AUTS2: variants seen among roughly 807,000 people sequenced by gnomAD.
AUTS2 encodes the protein autism susceptibility gene 2 protein.
In AUTS2, 17 loss-of-function variants were observed where a neutral mutation model predicts 112.4. The ratio of observed to expected loss-of-function variants is 0.15; its 90% CI spans 0.10 to 0.23. AUTS2 has a LOEUF of 0.23. AUTS2 is among the 10% of genes least tolerant of loss of function. The probability of loss-of-function intolerance (pLI) is 1.00; values close to 1 mark genes in which losing one functional copy is unlikely to be tolerated. For synonymous variants in AUTS2, 751 were observed against 702.7 expected (o/e 1.07, Z -1.09); for missense variants, 1,510 against 1,701.6 (o/e 0.89, Z 1.98).
At chr7:69,990,289 A>G (rs1005416489) in intron 2 of AUTS2, among the ~76,000 whole-genome samples, 2 of 152,162 alleles carry the variant, frequency 1.3e-5, no homozygotes, top group African/African-American at 4.8e-5. Flanking sequence ...TTTGCGGTCA[A>G]TTTGTTTTGT....
At chr7:70,613,498 A>C (rs1804202522) in intron 5 of AUTS2, among the ~76,000 whole-genome samples, 1 of 152,156 alleles carries the variant, frequency 6.6e-6, no homozygotes, top group African/African-American at 2.4e-5. Context: ...GAACTCATTA[A>C]GTCTCCCTCC....
At chr7:70,572,459 G>T in intron 5 of AUTS2, among the ~76,000 whole-genome samples, 1 of 146,362 alleles carries the variant, frequency 6.8e-6, no homozygotes, top group Admixed American at 6.8e-5. Flanking sequence ...GCAGGGATGG[G>T]GGGTGGGGGT....
At chr7:69,897,596 A>G (rs1002178457) in intron 1 of AUTS2, among the ~76,000 whole-genome samples, 1 of 151,824 alleles carries the variant, frequency 6.6e-6, no homozygotes, top group Non-Finnish European at 1.5e-5. Context: ...AAAAAAAAAA[A>G]AAAACAAAAA....
At chr7:70,051,010 CAATT>C (rs1358408579) in intron 2 of AUTS2, among the ~76,000 whole-genome samples, 1 of 152,134 alleles carries the variant, frequency 6.6e-6, no homozygotes, top group African/African-American at 2.4e-5. Context: ...ATCAATCAAT[CAATT>C]ATTATTCATA....
intron 2 of AUTS2, among the ~76,000 whole-genome samples, chr7:70,098,268 T>C (rs920020843): frequency 6.6e-6 from 1 of 152,232 alleles, no homozygotes; most frequent in African/African-American, 2.4e-5. Flanking sequence ...GGATTATCTA[T>C]AAAACTTTTA....
intron 4 of AUTS2, among the ~76,000 whole-genome samples, chr7:70,182,967 G>A (rs1162317673): frequency 6.6e-6 from 1 of 152,086 alleles, no homozygotes. Context: ...AGGCAGATGT[G>A]GCTGCATGTG....
At chr7:70,543,944 T>C (rs540324634) in intron 5 of AUTS2, among the ~76,000 whole-genome samples, 1 of 152,254 alleles carries the variant, frequency 6.6e-6, no homozygotes, top group South Asian at 2.1e-4. Context: ...ATGTGTACCC[T>C]CTCTTTCAGG....
intron 1 of AUTS2, among the ~76,000 whole-genome samples, chr7:69,792,320 A>C (rs1465076591): frequency 6.6e-6 from 1 of 151,854 alleles, no homozygotes; most frequent in African/African-American, 2.4e-5. Context: ...GCTCACTGCA[A>C]GCTCCGCCTC....
At chr7:70,666,954 T>G (rs1807381659) in intron 5 of AUTS2, among the ~76,000 whole-genome samples, 1 of 147,990 alleles carries the variant, frequency 6.8e-6, no homozygotes, top group Admixed American at 6.8e-5. Context: ...GGGAGCTGTG[T>G]TCCTAGTGCC....
At chr7:70,678,157 C>T (rs373506890) in intron 5 of AUTS2, among the ~76,000 whole-genome samples, 7 of 152,100 alleles carry the variant, frequency 4.6e-5, no homozygotes, top group South Asian at 2.1e-4. Context: ...TCCTCTCTCC[C>T]TCCTAAATTA....
At position 69,796,651 on chromosome 7, in the gene AUTS2, C is replaced by G. The variant is rs567526231; in HGVS notation, c.310-102635C>G. Reference sequence around the variant, plus strand: ...GAAAACATTTATGGTCATACCTCTCCAAATTGAACAATTGTGGGAATATGT... The same window carrying G: ...GAAAACATTTATGGTCATACCTCTCGAAATTGAACAATTGTGGGAATATGT... On this transcript the variant is annotated intron_variant, in intron 1 of 18. Transcript: ENST00000342771. Among the ~76,000 whole-genome samples the G allele has an allele frequency of 7.5e-4, 114 of 152,198 alleles. 4 individuals carry two copies. In the South Asian group the frequency reaches 0.017, roughly 22 times the overall value.
chr7:69,624,862 T>G (rs937979267), intron 1 of AUTS2, among the ~76,000 whole-genome samples: 2 of 152,222 alleles, frequency 1.3e-5, no homozygotes, highest in Non-Finnish European at 1.5e-5. Flanking sequence ...TGAAATCTGT[T>G]ATGGCACTCT....
intron 4 of AUTS2, among the ~76,000 whole-genome samples, chr7:70,193,447 G>C (rs138085694): frequency 5.4e-4 from 82 of 152,322 alleles, no homozygotes; most frequent in African/African-American, 1.9e-3. Flanking sequence ...CATTAAAAGA[G>C]ACCCCTGCCT....
chr7:69,783,336 G>C (rs758754593), intron 1 of AUTS2, among the ~76,000 whole-genome samples: 1 of 151,940 alleles, frequency 6.6e-6, no homozygotes, highest in Non-Finnish European at 1.5e-5. Context: ...TTTTAGGAGG[G>C]GTTTCTACTG....
chr7:69,862,439 G>C (rs1793030266), intron 1 of AUTS2, among the ~76,000 whole-genome samples: 2 of 152,242 alleles, frequency 1.3e-5, no homozygotes, highest in Non-Finnish European at 2.9e-5. Flanking sequence ...GAATGTATTT[G>C]CATAGCTATA....
chr7:70,773,964 G>A (rs1324147322), intron 11 of AUTS2, 64 bp from the exon 12 acceptor site: 4 of 1,456,160 alleles, frequency 2.7e-6, no homozygotes, highest in African/African-American at 1.4e-5. Context: ...AGAAGGGAAG[G>A]ATCTTGCTTT....
chr7:70,304,392 G>A (rs774856292), intron 4 of AUTS2, among the ~76,000 whole-genome samples: 1 of 152,094 alleles, frequency 6.6e-6, no homozygotes, highest in East Asian at 1.9e-4. Context: ...ATATCTCTTC[G>A]TGTGACTCAA....
At chr7:70,492,733 T>C (rs528450671) in intron 5 of AUTS2, among the ~76,000 whole-genome samples, 28 of 152,258 alleles carry the variant, frequency 1.8e-4, no homozygotes, top group African/African-American at 6.5e-4. Flanking sequence ...CTGAGCAAAC[T>C]ACGTGACCCC....
At chr7:69,728,436 CAGGGT>C (rs1400903707) in intron 1 of AUTS2, among the ~76,000 whole-genome samples, 1 of 152,192 alleles carries the variant, frequency 6.6e-6, no homozygotes, top group Non-Finnish European at 1.5e-5. Flanking sequence ...TAGTGATGAA[CAGGGT>C]AGGCACATTC....
Sources: allele counts gnomAD v4.1 joint callset (sites outside exome capture counted in the v4.1 genomes callset), GRCh38; gene constraint gnomAD v4.1.1; transcripts MANE v1.5; gene names NCBI Gene and HGNC (gene_info 2026-07-23, HGNC 2026-07-21).